The following DAAM1 variants were observed in gnomAD, a reference collection of about 807,000 sequenced individuals.
DAAM1 encodes the protein disheveled-associated activator of morphogenesis 1.
Under a neutral mutation model 130.0 loss-of-function variants are expected in DAAM1, and 52 were observed. The observed-to-expected ratio is 0.40, with a 90% CI of 0.32 to 0.50. The LOEUF is 0.50. Ranked by LOEUF, DAAM1 falls within the 20% of genes least tolerant of loss-of-function variation. The probability of loss-of-function intolerance (pLI) is 0.61; values close to 1 mark genes in which losing one functional copy is unlikely to be tolerated. For synonymous variants in DAAM1, 452 were observed against 444.5 expected (o/e 1.02, Z -0.21); for missense variants, 1,134 against 1,303.8 (o/e 0.87, Z 2.01).
chr14:59,350,729 A>C (rs890970353), intron 17 of DAAM1, among the ~76,000 whole-genome samples: 1 of 151,962 alleles, frequency 6.6e-6, no homozygotes, highest in Middle Eastern at 3.2e-3. Flanking sequence ...CTGCATGCTG[A>C]AATGCTGTCT....
intron 16 of DAAM1, among the ~76,000 whole-genome samples, chr14:59,345,919 A>G (rs544045911): frequency 1.3e-5 from 2 of 152,320 alleles, no homozygotes; most frequent in African/African-American, 4.8e-5. Flanking sequence ...GATCATAATT[A>G]CCATACTAAG....
rs929310447 is a variant in DAAM1 at position 59,370,533 on chromosome 14, T to A, written c.*1674T>A. 6.6e-6 allele frequency: 1 copy of A among 152,182 alleles called. No homozygotes were observed. The highest frequency in any genetic ancestry group is 2.4e-5 in the African/African-American group (1 of 41,454). The allele number at this position is 152,182 out of a possible 1,614,324, so 9.4% of individuals were successfully genotyped here. A position where few individuals can be genotyped will look rare whatever the true frequency, so the allele number is the denominator to read the frequency against. ...AGCACAGATGGCGAGTTATCTGTGC[T>A]ATGTGAAAGCTGTGAAATAGTGCTC... On this transcript the variant is annotated 3_prime_UTR_variant, in exon 25 of 25. Transcript: ENST00000360909.
At chr14:59,202,241 C>A (rs1055611490) in intron 1 of DAAM1, among the ~76,000 whole-genome samples, 1 of 152,194 alleles carries the variant, frequency 6.6e-6, no homozygotes, top group Non-Finnish European at 1.5e-5. Flanking sequence ...TGGGCAGGTC[C>A]GTTTCAAGTT....
chr14:59,273,055 C>A (rs555929836), intron 2 of DAAM1, among the ~76,000 whole-genome samples: 2 of 152,336 alleles, frequency 1.3e-5, no homozygotes, highest in South Asian at 2.1e-4. Flanking sequence ...AGTAGACTCT[C>A]ATTTCAGTGG....
At chr14:59,354,062 A>ATTT in intron 19 of DAAM1, 98 bp downstream of exon 19, 8 of 883,994 alleles carry the variant, frequency 9.0e-6, no homozygotes, top group African/African-American at 1.8e-5. Context: ...CCCCTTGGTG[A>ATTT]TTTTTTTTTT....
intron 1 of DAAM1, among the ~76,000 whole-genome samples, chr14:59,257,317 G>C (rs1881943452): frequency 6.6e-6 from 1 of 151,982 alleles, no homozygotes. Context: ...ACGTGCCAGG[G>C]ATTGACTAAA....
At chr14:59,323,988 T>C in intron 6 of DAAM1, 140 bp from the exon 7 acceptor site, 1 of 441,282 alleles carries the variant, frequency 2.3e-6, no homozygotes, top group Non-Finnish European at 3.7e-6. Context: ...GCTGAGATCA[T>C]GCCACCGCAC....
intron 2 of DAAM1, 145 bp from the exon 3 acceptor site, chr14:59,291,072 C>A: frequency 2.9e-6 from 2 of 682,714 alleles, no homozygotes; most frequent in Non-Finnish European, 4.7e-6. Flanking sequence ...GAAAAACATA[C>A]CTAACTTAGC....
In DAAM1 at chr14:59,308,591, T is replaced by C. The variant is rs533443334; in HGVS notation, c.274-6689T>C. Among the ~76,000 whole-genome samples the C allele has an allele frequency of 7.9e-5, 12 of 152,224 alleles. No individual in the cohort carries two copies. In the South Asian group the frequency reaches 2.5e-3, roughly 32 times the overall value. ...AGCCTTCTCAAGAGCAGATGATGGA[T>C]CACCTGCTGGTAACCTTATAAGGGA... is the stretch of plus-strand genomic sequence containing the variant. On this transcript the variant is annotated intron_variant, in intron 3 of 24. Coordinates refer to ENST00000360909, the MANE Select transcript of DAAM1 (RefSeq NM_001270520.2).
intron 16 of DAAM1, among the ~76,000 whole-genome samples, chr14:59,345,903 G>A (rs1009161622): frequency 1.4e-4 from 21 of 152,170 alleles, no homozygotes; most frequent in African/African-American, 4.8e-4. Flanking sequence ...CAGTGCTTTG[G>A]AAAGTGATCA....
intron 16 of DAAM1, 94 bp from the exon 17 acceptor site, chr14:59,347,445 T>G: frequency 8.5e-7 from 1 of 1,174,660 alleles, no homozygotes; most frequent in Non-Finnish European, 1.2e-6. Flanking sequence ...GAGAAAAAAG[T>G]ACTTGAAAAT....
intron 12 of DAAM1, among the ~76,000 whole-genome samples, chr14:59,327,556 C>T (rs1479141622): frequency 1.3e-5 from 2 of 151,766 alleles, no homozygotes; most frequent in African/African-American, 4.8e-5. Flanking sequence ...TACCGGCGCC[C>T]GCCATCACAT....
chr14:59,233,010 T>C (rs12435749), intron 1 of DAAM1, among the ~76,000 whole-genome samples: 21,337 of 152,234 alleles, frequency 0.14, 1,912 homozygotes, highest in East Asian at 0.32. Flanking sequence ...GGTGTGTATG[T>C]ACCACATTTT....
Position 59,195,626 on chromosome 14 carries a change from G to C in DAAM1, c.-38+6858G>C, listed in dbSNP as rs1311913970. On this transcript the variant is annotated intron_variant, in intron 1 of 24. Transcript: ENST00000360909. ...TGTCTAAAAAAAATACCTGCAGTGT[G>C]ATTGGAAAATGTTGCCTATCTGATA... Among the ~76,000 whole-genome samples, 5 of 152,312 alleles carry C rather than the reference G, an allele frequency of 3.3e-5. No homozygotes were observed. The East Asian group carries it at 9.6e-4, about 29-fold the overall frequency.
chr14:59,364,891 C>G (rs1886855273), intron 23 of DAAM1, among the ~76,000 whole-genome samples: 1 of 152,200 alleles, frequency 6.6e-6, no homozygotes, highest in Admixed American at 6.5e-5. Flanking sequence ...CAACTCATGT[C>G]AGCAACCACC....
At chr14:59,240,206 C>T (rs1475533974) in intron 1 of DAAM1, among the ~76,000 whole-genome samples, 3 of 152,082 alleles carry the variant, frequency 2.0e-5, no homozygotes, top group Non-Finnish European at 4.4e-5. Flanking sequence ...CCTTGCTGAC[C>T]GCCCCCAGTT....
intron 2 of DAAM1, among the ~76,000 whole-genome samples, chr14:59,274,369 C>T (rs1229665773): frequency 2.0e-5 from 3 of 150,382 alleles, no homozygotes; most frequent in South Asian, 2.1e-4. Flanking sequence ...GGCTTTTCTT[C>T]GATGTAGAAG....
At chr14:59,327,643 G>A (rs974719512) in intron 12 of DAAM1, among the ~76,000 whole-genome samples, 7 of 151,950 alleles carry the variant, frequency 4.6e-5, no homozygotes, top group Non-Finnish European at 7.4e-5. Context: ...TCCTGACCTC[G>A]TGATCCACCC....
chr14:59,254,256 C>A (rs554294838), intron 1 of DAAM1, among the ~76,000 whole-genome samples: 23 of 152,240 alleles, frequency 1.5e-4, no homozygotes, highest in Non-Finnish European at 3.1e-4. Context: ...TACAAGTATT[C>A]TTTTCCATGA....
Sources: gnomAD v4.1 joint callset for allele counts (sites outside exome capture counted in the v4.1 genomes callset) on GRCh38, gnomAD v4.1.1 for gene constraint, MANE v1.5 for transcripts, NCBI Gene and HGNC (gene_info 2026-07-23, HGNC 2026-07-21) for gene names.